Variants in ARB2A observed in about 807,000 individuals in gnomAD.
The protein encoded by ARB2A is cotranscriptional regulator ARB2A.
chr5:93,805,166 C>G, the ARB2A span: 1 of 984,800 alleles, frequency 1.0e-6, no homozygotes, highest in Non-Finnish European at 1.2e-6. Flanking sequence ...AATCACCAAT[C>G]TAAATATATG....
chr5:93,818,910 G>A, the ARB2A span, among the ~76,000 whole-genome samples: 2 of 152,118 alleles, frequency 1.3e-5, no homozygotes. Context: ...AAACTTGGCC[G>A]GGCGCGGTGG....
the ARB2A span, among the ~76,000 whole-genome samples, chr5:93,714,125 T>C: frequency 6.6e-6 from 1 of 152,230 alleles, no homozygotes; most frequent in African/African-American, 2.4e-5. Context: ...GTAACATCTG[T>C]AACATGCAGT....
At chr5:93,927,096 T>C in the ARB2A span, among the ~76,000 whole-genome samples, 1 of 150,728 alleles carries the variant, frequency 6.6e-6, no homozygotes, top group African/African-American at 2.4e-5. Context: ...CCAGGAAGTG[T>C]TGGCAGCAAG....
chr5:93,851,855 G>T, the ARB2A span, among the ~76,000 whole-genome samples: 1 of 152,082 alleles, frequency 6.6e-6, no homozygotes, highest in African/African-American at 2.4e-5. Flanking sequence ...GTCTATCATT[G>T]TTGGACATTT....
At chr5:93,875,600 T>C in the ARB2A span, among the ~76,000 whole-genome samples, 10 of 152,226 alleles carry the variant, frequency 6.6e-5, no homozygotes, top group South Asian at 2.1e-4. Context: ...ATGTTATTCA[T>C]ACACTAAAAC....
At chr5:93,801,973 T>G in the ARB2A span, among the ~76,000 whole-genome samples, 1 of 152,108 alleles carries the variant, frequency 6.6e-6, no homozygotes, top group Non-Finnish European at 1.5e-5. Context: ...ATTAGGAAAT[T>G]AGTATATTTA....
At chr5:93,806,034 C>T in the ARB2A span, 1 of 729,954 alleles carries the variant, frequency 1.4e-6, no homozygotes, top group African/African-American at 1.9e-5. Flanking sequence ...TTCAGATACG[C>T]AAATTTAACC....
At chr5:93,664,425 T>C in the ARB2A span, among the ~76,000 whole-genome samples, 1 of 151,890 alleles carries the variant, frequency 6.6e-6, no homozygotes, top group East Asian at 1.9e-4. Context: ...TAAAAAATAA[T>C]ATGGCTTCAT....
chr5:93,735,939 G>A, the ARB2A span: 1 of 151,980 alleles, frequency 6.6e-6, no homozygotes. Context: ...TTTGGTCCAA[G>A]AACCAGAAGA....
chr5:94,081,488 T>C, the ARB2A span, among the ~76,000 whole-genome samples: 18 of 152,182 alleles, frequency 1.2e-4, no homozygotes, highest in African/African-American at 4.1e-4. Context: ...ATCCATACAA[T>C]AGGATATTAT....
At chr5:93,667,852 A>C in the ARB2A span, among the ~76,000 whole-genome samples, 2 of 152,318 alleles carry the variant, frequency 1.3e-5, no homozygotes, top group East Asian at 3.9e-4. Flanking sequence ...AGCTCTTGCA[A>C]ACTGAAAGGT....
At chr5:93,728,174 G>C in the ARB2A span, among the ~76,000 whole-genome samples, 2 of 150,662 alleles carry the variant, frequency 1.3e-5, no homozygotes, top group African/African-American at 4.9e-5. Context: ...AAGGTGGTTG[G>C]TTTTTTTTTG....
chr5:93,781,413 C>T, the ARB2A span, among the ~76,000 whole-genome samples: 1 of 152,246 alleles, frequency 6.6e-6, no homozygotes, highest in African/African-American at 2.4e-5. Flanking sequence ...ATATGTACCA[C>T]ATTTTCTTTA....
At chr5:93,626,793 A>G in the ARB2A span, among the ~76,000 whole-genome samples, 8 of 152,304 alleles carry the variant, frequency 5.3e-5, no homozygotes, top group Non-Finnish European at 1.0e-4. Context: ...CAGAGTGATG[A>G]TTGCTAAAGA....
At chr5:93,921,494 C>A in the ARB2A span, among the ~76,000 whole-genome samples, 1 of 151,906 alleles carries the variant, frequency 6.6e-6, no homozygotes, top group Non-Finnish European at 1.5e-5. Flanking sequence ...CAAGAGGCAA[C>A]GGACATGTTC....
the ARB2A span, among the ~76,000 whole-genome samples, chr5:93,667,656 G>T: frequency 2.6e-5 from 4 of 152,080 alleles, no homozygotes; most frequent in African/African-American, 9.7e-5. Flanking sequence ...ACAGGGTTTT[G>T]CTATGTTGTC....
the ARB2A span, chr5:93,805,053 A>G: frequency 1.0e-6 from 1 of 960,950 alleles, no homozygotes; most frequent in Non-Finnish European, 1.2e-6. Context: ...ATGCATTTTA[A>G]TATATAATTA....
At chr5:93,785,586 GTC>G in the ARB2A span, among the ~76,000 whole-genome samples, 2 of 152,094 alleles carry the variant, frequency 1.3e-5, no homozygotes, top group African/African-American at 4.8e-5. Flanking sequence ...AATTTAAAAT[GTC>G]TCTCTCTTAA....
At chr5:94,096,782 T>C in the ARB2A span, among the ~76,000 whole-genome samples, 2 of 150,996 alleles carry the variant, frequency 1.3e-5, no homozygotes, top group African/African-American at 2.4e-5. Flanking sequence ...GAGGAAGGCA[T>C]TGAGAGTGAA....
Sources: gnomAD v4.1 joint callset for allele counts (sites outside exome capture counted in the v4.1 genomes callset) on GRCh38, gnomAD v4.1.1 for gene constraint, MANE v1.5 for transcripts, NCBI Gene and HGNC (gene_info 2026-07-23, HGNC 2026-07-21) for gene names.